The following DTX4 variants were observed in gnomAD, a reference collection of about 807,000 sequenced individuals.
DTX4 encodes the protein E3 ubiquitin-protein ligase DTX4.
A neutral mutation model predicts 57.6 loss-of-function variants in DTX4; 28 were observed. The ratio of observed to expected loss-of-function variants is 0.49; its 90% CI spans 0.36 to 0.67. The LOEUF (loss-of-function observed/expected upper bound fraction) is 0.67, where lower values mean the gene tolerates loss of function less well. DTX4 is among the 30% of genes least tolerant of loss of function. DTX4 has a pLI of 0.00. For synonymous variants in DTX4, 316 were observed against 331.0 expected, an observed-to-expected ratio of 0.95 and a Z score of 0.49; for missense variants, 715 against 836.8, an observed-to-expected ratio of 0.85 and a Z score of 1.80.
chr11:59,175,513 A>C (rs1306002391), intron 1 of DTX4, among the ~76,000 whole-genome samples: 1 of 152,024 alleles, frequency 6.6e-6, no homozygotes, highest in Non-Finnish European at 1.5e-5. Context: ...GACTGCCTAG[A>C]GGTCTGATCT....
intron 6 of DTX4, 79 bp from the exon 7 acceptor site, chr11:59,195,129 T>G: frequency 6.7e-7 from 1 of 1,497,052 alleles, no homozygotes; most frequent in Non-Finnish European, 9.3e-7. Flanking sequence ...CCTTCATCTC[T>G]GGTACCTTTT....
rs1315527622 is a variant in DTX4, at chr11:59,195,370, G to A, written c.1536+1G>A. ...CTACAGCATCCCCCCCGGCATTCAGGTGAGCCTTTCTCTCAGGTGAGCCTT... is the reference window on the plus strand; with the variant it reads ...CTACAGCATCCCCCCCGGCATTCAGATGAGCCTTTCTCTCAGGTGAGCCTT... On this transcript the variant is annotated splice_donor_variant, in intron 7 of 8. Transcript: ENST00000227451. LOFTEE classifies it high-confidence loss of function. 1.9e-6 allele frequency: 3 copies of A among 1,600,224 alleles called. No homozygotes were observed. Among genetic ancestry groups the A allele is most frequent in the Non-Finnish European group, 2.6e-6 (3 of 1,170,502 alleles).
intron 2 of DTX4, among the ~76,000 whole-genome samples, chr11:59,185,527 G>A (rs1862516885): frequency 6.6e-6 from 1 of 152,172 alleles, no homozygotes; most frequent in African/African-American, 2.4e-5. Context: ...CCTGAAGGAT[G>A]TGAGATGCAT....
At chr11:59,203,829 A>G (rs1862769340) in intron 8 of DTX4, among the ~76,000 whole-genome samples, 2 of 152,236 alleles carry the variant, frequency 1.3e-5, no homozygotes, top group Admixed American at 1.3e-4. Context: ...ATATGTCCCA[A>G]TGCCCAACAC....
rs544329853 is a variant in DTX4 at position 59,192,936 on chromosome 11, T to C, written c.1374+686T>C. 2.6e-4 allele frequency among the ~76,000 whole-genome samples: 39 copies of C among 151,896 alleles called. 1 individual carries two copies. Among genetic ancestry groups the C allele is most frequent in the Non-Finnish European group, 4.6e-4 (31 of 67,872 alleles). On this transcript the variant is annotated intron_variant, in intron 6 of 8. Transcript: ENST00000227451. The stretch of plus-strand genomic sequence containing the variant: ...ATAGGTGATCATTCTCTCCTTACAG[T>C]GTCTGAGCATTTCCTAAGTCATTGA...
rs936373322 is a variant in DTX4, at chr11:59,206,741, A to G, written c.*1832A>G. ...CAGTCGATTCACCTGCCTGTCACCC[A>G]GTTCTGTGGATGTGCTGGTGCTGAG... On this transcript the variant is annotated 3_prime_UTR_variant, in exon 9 of 9. Transcript: ENST00000227451. The G allele has an allele frequency of 2.6e-5, 4 of 152,538 alleles. No homozygotes were observed. Among genetic ancestry groups the G allele is most frequent in the Admixed American group, 1.3e-4 (2 of 15,278 alleles). The allele number at this position is 152,538 out of a possible 1,614,324, so 9.4% of individuals were successfully genotyped here.
rs1371385368 is a variant in DTX4, at chr11:59,197,678, T to C, written c.1537-2006T>C. Among the ~76,000 whole-genome samples the C allele has an allele frequency of 2.0e-5, 3 of 152,062 alleles. No individual in the cohort carries two copies. The East Asian group carries it at 5.8e-4, about 29-fold the overall frequency. ...ACTGCCACAGTCCAGGCCTTAGGAA[T>C]GGGGCTCGAACAAGGGAAGGCCGGG... is the stretch of plus-strand genomic sequence containing the variant. On this transcript the variant is annotated intron_variant, in intron 7 of 8. Transcript: ENST00000227451.
rs760781760 is a variant in DTX4, at chr11:59,182,336, C to T, written c.809C>T (p.Thr270Ile). 5.6e-6 allele frequency: 9 copies of T among 1,613,160 alleles called. No individual in the cohort carries two copies. In the Admixed American group the frequency reaches 1.2e-4, roughly 21 times the overall value. ...RQASSMPTGTTMGSPASPPGP... is the reference protein window; with the variant it reads ...RQASSMPTGTIMGSPASPPGP... ...GCCTCCAGCATGCCCACTGGGACAA[C>T]CATGGGCTCTCCTGCCAGTCCCCCA... Residue 270 changes from threonine (T) to isoleucine (I), a missense_variant, in exon 2 of 9, where the codon ACC (threonine) becomes ATC (isoleucine). Thr to Ile is a moderately conservative substitution (Grantham distance 89). Coordinates refer to ENST00000227451, the MANE Select transcript of DTX4 (RefSeq NM_015177.2).
chr11:59,200,561 T>G (rs1034424232), intron 8 of DTX4, among the ~76,000 whole-genome samples: 3 of 152,192 alleles, frequency 2.0e-5, no homozygotes, highest in Admixed American at 2.0e-4. Flanking sequence ...GAAACACTGG[T>G]CTGGGATAGG....
At chr11:59,193,185 T>G (rs1862621391) in intron 6 of DTX4, among the ~76,000 whole-genome samples, 1 of 152,218 alleles carries the variant, frequency 6.6e-6, no homozygotes, top group South Asian at 2.1e-4. Flanking sequence ...AGACCTGAGC[T>G]TGAATCCTGG....
chr11:59,185,693 A>G (rs1311595895), intron 2 of DTX4, among the ~76,000 whole-genome samples: 1 of 152,184 alleles, frequency 6.6e-6, no homozygotes, highest in African/African-American at 2.4e-5. Context: ...ACTGCCCAGC[A>G]CTCAACTTTA....
chr11:59,194,771 C>A, intron 6 of DTX4: 1 of 202,588 alleles, frequency 4.9e-6, no homozygotes, highest in Non-Finnish European at 9.9e-6. Context: ...AGTTCTTACT[C>A]AGTGGACCCG....
rs1590981214 is a variant in DTX4, at chr11:59,182,320, A to G, written c.793A>G (p.Met265Val). The change falls in exon 2 of 9, where the codon ATG (methionine) becomes GTG (valine). Residue 265 changes from methionine (M) to valine (V), a missense_variant. Transcript: ENST00000227451. ...SQVIRRQASS[M>V]PTGTTMGSPA... ...GGTGATCCGGAGACAAGCCTCCAGCATGCCCACTGGGACAACCATGGGCTC... is the reference window on the plus strand; with the variant it reads ...GGTGATCCGGAGACAAGCCTCCAGCGTGCCCACTGGGACAACCATGGGCTC... 1.9e-6 allele frequency: 3 copies of G among 1,612,916 alleles called. No individual in the cohort carries two copies. Among genetic ancestry groups the G allele is most frequent in the East Asian group, 4.5e-5 (2 of 44,876 alleles).
In DTX4 at chr11:59,201,680, G is replaced by A. The variant is rs562505536; in HGVS notation, c.1626+1907G>A. ...AATCAACCACACTGAGAAGATGTGC[G>A]AGTGCAGTGTCCCCAGATTAGGGGT... On this transcript the variant is annotated intron_variant, in intron 8 of 8. Coordinates refer to ENST00000227451, the MANE Select transcript of DTX4 (RefSeq NM_015177.2). 3.3e-5 allele frequency among the ~76,000 whole-genome samples: 5 copies of A among 152,286 alleles called. No homozygotes were observed. The South Asian group carries it at 8.3e-4, about 25-fold the overall frequency.
intron 6 of DTX4, 74 bp from the exon 7 acceptor site, chr11:59,195,134 C>A (rs980787222): frequency 1.4e-5 from 21 of 1,523,390 alleles, no homozygotes; most frequent in Non-Finnish European, 1.9e-5. Flanking sequence ...ATCTCTGGTA[C>A]CTTTTGGGAC....
rs1236695536 is a variant in DTX4, at chr11:59,172,307, C to T, written c.-289C>T. Among the ~76,000 whole-genome samples, 1 of 151,710 alleles carries T rather than the reference C, an allele frequency of 6.6e-6. No individual in the cohort carries two copies. ...AGGCGGGGGCCTGTTTGCAGAGAGC[C>T]GGGCATTTGCATGAAGCGACTCGAC... is the stretch of plus-strand genomic sequence containing the variant. On this transcript the variant is annotated 5_prime_UTR_variant, in exon 1 of 9. Transcript: ENST00000227451.
chr11:59,201,070 C>A (rs1565221991), intron 8 of DTX4, among the ~76,000 whole-genome samples: 1 of 152,152 alleles, frequency 6.6e-6, no homozygotes, highest in Non-Finnish European at 1.5e-5. Context: ...AAGATCAAGG[C>A]ACAGGCGGGT....
chr11:59,199,635 C>A, intron 7 of DTX4, 49 bp from the exon 8 acceptor site: 1 of 1,405,422 alleles, frequency 7.1e-7, no homozygotes, highest in South Asian at 1.2e-5. Context: ...CCGCTCTTAT[C>A]AGAAATATTT....
intron 8 of DTX4, among the ~76,000 whole-genome samples, chr11:59,203,477 T>C (rs992943915): frequency 4.6e-5 from 7 of 152,190 alleles, no homozygotes. Context: ...ATCATCAGCA[T>C]CACTGTCTTC....
Sources: gnomAD v4.1 joint callset for allele counts (sites outside exome capture counted in the v4.1 genomes callset) on GRCh38, gnomAD v4.1.1 for gene constraint, MANE v1.5 for transcripts, NCBI Gene and HGNC (gene_info 2026-07-23, HGNC 2026-07-21) for gene names.